METTL8: variants seen among roughly 807,000 people sequenced by gnomAD.
METTL8 encodes the protein tRNA N(3)-cytidine methyltransferase METTL8, mitochondrial.
METTL8 carries 32 observed loss-of-function variants against 48.7 expected under a neutral mutation model. The ratio of observed to expected loss-of-function variants is 0.66; its 90% confidence interval spans 0.50 to 0.88. The LOEUF is 0.88. Among genes scored for constraint, METTL8 ranks in the 40% least tolerant of loss-of-function variants. The pLI is 0.00. For synonymous variants in METTL8, 136 were observed against 157.1 expected, an observed-to-expected ratio of 0.87 and a Z score of 1.01; for missense variants, 464 against 474.4, an observed-to-expected ratio of 0.98 and a Z score of 0.20.
chr2:171,365,303 T>C (rs1295796783), intron 2 of METTL8, among the ~76,000 whole-genome samples: 1 of 152,196 alleles, frequency 6.6e-6, no homozygotes, highest in Non-Finnish European at 1.5e-5. Context: ...TCTTAAGTAG[T>C]ATAGAGACTA....
At position 171,414,937 on chromosome 2, in the gene METTL8, T is replaced by G. The variant is rs187901522; in HGVS notation, c.-13+18946A>C. Among the ~76,000 whole-genome samples, 230 of 152,140 alleles carry G rather than the reference T, an allele frequency of 1.5e-3. 4 individuals are homozygous for G. The East Asian group carries it at 0.016, about 11-fold the overall frequency. On this transcript the variant is annotated intron_variant, in intron 1 of 9. Transcript: ENST00000375258. ...GAATAAGTCTCACGAGATCTGATGG[T>G]TTTATAAGGGGAAACCCCTTTCACT... is the stretch of plus-strand genomic sequence containing the variant.
intron 5 of METTL8, among the ~76,000 whole-genome samples, chr2:171,333,948 C>A (rs1685813565): frequency 6.6e-6 from 1 of 152,134 alleles, no homozygotes; most frequent in Admixed American, 6.5e-5. Context: ...GTGCCTGATT[C>A]AGAGTAAGCA....
chr2:171,401,148 G>C (rs142908473), intron 1 of METTL8, among the ~76,000 whole-genome samples: 1 of 152,222 alleles, frequency 6.6e-6, no homozygotes, highest in Non-Finnish European at 1.5e-5. Flanking sequence ...CTAGAATGAA[G>C]TTGCACTAAA....
chr2:171,411,246 A>G (rs1200792888), intron 1 of METTL8, among the ~76,000 whole-genome samples: 1 of 152,258 alleles, frequency 6.6e-6, no homozygotes, highest in African/African-American at 2.4e-5. Flanking sequence ...AAATTAAAGT[A>G]ATTCCAACAG....
chr2:171,316,191 C>T lies in METTL8; in HGVS notation c.*7981G>A, dbSNP rs1031661653. The stretch of plus-strand genomic sequence containing the variant: ...TGGAAAAGAAAATCTATGAGGAAAA[C>T]GTCAGCTTGCTTATCCAGGGAATGA... On this transcript the variant is annotated 3_prime_UTR_variant, in exon 10 of 10. Transcript: ENST00000375258. 3.3e-5 allele frequency among the ~76,000 whole-genome samples: 5 copies of T among 152,130 alleles called. No homozygotes were observed. The highest frequency in any genetic ancestry group is 7.2e-5 in the African/African-American group (3 of 41,410).
intron 2 of METTL8, among the ~76,000 whole-genome samples, chr2:171,371,359 T>C (rs1441159615): frequency 6.6e-6 from 1 of 152,166 alleles, no homozygotes; most frequent in Non-Finnish European, 1.5e-5. Flanking sequence ...CATTTTTCAT[T>C]ATTAATTTAT....
At chr2:171,385,648 T>TTGGGGGGTATGCTA (rs1687975850) in intron 2 of METTL8, among the ~76,000 whole-genome samples, 2 of 152,324 alleles carry the variant, frequency 1.3e-5, no homozygotes, top group Admixed American at 1.3e-4. Context: ...GGCCAACCCC[T>TTGGGGGGTATGCTA]TGGGGGGTAT....
chr2:171,418,751 C>T (rs1165258360), intron 1 of METTL8, among the ~76,000 whole-genome samples: 1 of 152,010 alleles, frequency 6.6e-6, no homozygotes, highest in Non-Finnish European at 1.5e-5. Flanking sequence ...CTCAGGAGTT[C>T]AAGACCAGTC....
chr2:171,417,463 T>C (rs1211434883), intron 1 of METTL8, among the ~76,000 whole-genome samples: 2 of 152,272 alleles, frequency 1.3e-5, no homozygotes, highest in East Asian at 3.9e-4. Context: ...CTCCAAGTCA[T>C]ACACATGCAC....
intron 1 of METTL8, among the ~76,000 whole-genome samples, chr2:171,406,972 G>A (rs1190112700): frequency 1.3e-5 from 2 of 151,622 alleles, no homozygotes; most frequent in Admixed American, 1.3e-4. Flanking sequence ...GGCAGTTATT[G>A]ATTTCCTCTA....
At chr2:171,349,191 A>G (rs1303598037) in intron 3 of METTL8, among the ~76,000 whole-genome samples, 1 of 152,206 alleles carries the variant, frequency 6.6e-6, no homozygotes, top group Non-Finnish European at 1.5e-5. Context: ...TAGATCCCCA[A>G]ATTATATATG....
At chr2:171,408,773 A>T (rs1212330254) in intron 1 of METTL8, among the ~76,000 whole-genome samples, 1 of 152,176 alleles carries the variant, frequency 6.6e-6, no homozygotes, top group Non-Finnish European at 1.5e-5. Flanking sequence ...TTAGTTTTAC[A>T]ACCTCTGGCA....
intron 1 of METTL8, among the ~76,000 whole-genome samples, chr2:171,408,787 T>C (rs1270590495): frequency 1.3e-5 from 2 of 152,160 alleles, no homozygotes; most frequent in South Asian, 2.1e-4. Context: ...TCTGGCATGA[T>C]ACCTAACTTC....
intron 2 of METTL8, among the ~76,000 whole-genome samples, chr2:171,361,186 TGGAATAGAAGCGAC>T (rs1685125890): frequency 6.6e-6 from 1 of 152,076 alleles, no homozygotes; most frequent in Non-Finnish European, 1.5e-5. Flanking sequence ...ATGTCTTTCT[TGGAATAGAAGCGAC>T]AACTGTATAC....
chr2:171,411,498 A>G (rs1690744054), intron 1 of METTL8, among the ~76,000 whole-genome samples: 2 of 152,356 alleles, frequency 1.3e-5, no homozygotes, highest in Non-Finnish European at 2.9e-5. Context: ...AACAGAATAG[A>G]AAGTCCAGAA....
At chr2:171,393,755 T>TA (rs1181357700) in intron 1 of METTL8, among the ~76,000 whole-genome samples, 1 of 152,178 alleles carries the variant, frequency 6.6e-6, no homozygotes, top group East Asian at 1.9e-4. Flanking sequence ...CTATTAGGCG[T>TA]AAAAATGCCA....
chr2:171,384,647 T>C (rs916514340), intron 2 of METTL8, among the ~76,000 whole-genome samples: 8 of 151,672 alleles, frequency 5.3e-5, no homozygotes, highest in African/African-American at 1.7e-4. Flanking sequence ...CTGGGCAACA[T>C]AGTGAGACCC....
intron 3 of METTL8, among the ~76,000 whole-genome samples, chr2:171,348,371 G>A (rs11695531): frequency 0.34 from 51,053 of 151,992 alleles, 9,015 homozygotes; most frequent in African/African-American, 0.43. Context: ...GCTCAAAAGT[G>A]ACCATAGACA....
In METTL8 at chr2:171,324,465, ATACAAGAAACACTCTCTAGAAC is replaced by A. The variant is rs1246441341; in HGVS notation, c.1034-125_1034-104del. On this transcript the variant is annotated intron_variant, in intron 9 of 9. Coordinates refer to ENST00000375258, the MANE Select transcript of METTL8 (RefSeq NM_001321154.2). ...ATAACTGACCATCTAAATTTCATTT[ATACAAGAAACACTCTCTAGAAC>A]AATTTGGTGAAGGAAACCTGTGAAA... The A allele has an allele frequency of 3.3e-5, 34 of 1,044,522 alleles. No homozygotes were observed. In the Middle Eastern group the frequency reaches 1.5e-3, roughly 47 times the overall value. The allele number at this position is 1,044,522 out of a possible 1,614,324, so 64.7% of individuals were successfully genotyped here. A position where few individuals can be genotyped will look rare whatever the true frequency, so the allele number is the denominator to read the frequency against.
Sources: allele counts gnomAD v4.1 joint callset (sites outside exome capture counted in the v4.1 genomes callset), GRCh38; gene constraint gnomAD v4.1.1; transcripts MANE v1.5; gene names NCBI Gene and HGNC (gene_info 2026-07-23, HGNC 2026-07-21).